CDH23: variants seen among roughly 807,000 people sequenced by gnomAD.
CDH23 encodes the protein cadherin related 23.
A neutral mutation model predicts 317.1 loss-of-function variants in CDH23; 189 were observed. The observed-to-expected ratio is 0.60, with a 90% CI of 0.53 to 0.67. The LOEUF is 0.67. Ranked by LOEUF, CDH23 falls within the 30% of genes least tolerant of loss-of-function variation. The pLI, the probability that CDH23 is intolerant of heterozygous loss-of-function variation, is 0.00. For missense variants in CDH23, 4,401 were observed against 4,592.4 expected, an observed-to-expected ratio of 0.96 and a Z score of 1.20; for synonymous variants, 1,839 against 1,876.8, an observed-to-expected ratio of 0.98 and a Z score of 0.52.
intron 61 of CDH23, 111 bp from the exon 62 acceptor site, chr10:71,810,361 G>A: frequency 2.0e-6 from 2 of 1,008,152 alleles, no homozygotes; most frequent in Non-Finnish European, 1.5e-6. Flanking sequence ...ACATTCAGTA[G>A]TGAAGGGTCT....
At chr10:71,543,630 TCTC>T (rs1164066236) in intron 6 of CDH23, among the ~76,000 whole-genome samples, 3 of 152,226 alleles carry the variant, frequency 2.0e-5, no homozygotes, top group African/African-American at 7.2e-5. Context: ...TCCTCATGCT[TCTC>T]CTAGCCACTC....
chr10:71,477,038 C>T (rs1285769011), intron 3 of CDH23, among the ~76,000 whole-genome samples: 3 of 152,220 alleles, frequency 2.0e-5, no homozygotes, highest in Non-Finnish European at 2.9e-5. Context: ...TCTTCTCCAT[C>T]TTCCTCCTTG....
intron 11 of CDH23, among the ~76,000 whole-genome samples, chr10:71,641,613 G>A (rs1047346223): frequency 1.3e-5 from 2 of 152,222 alleles, no homozygotes; most frequent in African/African-American, 4.8e-5. Flanking sequence ...CAAAGTTACA[G>A]GCCTCAACCC....
chr10:71,623,892 G>T (rs1417028510), intron 11 of CDH23, among the ~76,000 whole-genome samples: 1 of 152,116 alleles, frequency 6.6e-6, no homozygotes, highest in African/African-American at 2.4e-5. Flanking sequence ...TACCCCAACT[G>T]CCCTGAGAAG....
chr10:71,647,038 A>G lies in CDH23; in HGVS notation c.1449+421A>G, dbSNP rs941543360. 2.1e-5 allele frequency: 21 copies of G among 985,330 alleles called. No individual in the cohort carries two copies. The African/African-American group carries it at 3.5e-4, about 16-fold the overall frequency. 61.0% of individuals were successfully genotyped at this position (985,330 alleles called of 1,614,324 possible). A position where few individuals can be genotyped will look rare whatever the true frequency, so the allele number is the denominator to read the frequency against. On this transcript the variant is annotated intron_variant, in intron 14 of 69. Transcript: ENST00000224721. ...GGTACCGGGGCACCCCCAGCTGCCC[A>G]TGGCTGGACTTGCCCTTTGACAAGG...
intron 3 of CDH23, among the ~76,000 whole-genome samples, chr10:71,456,783 AG>A (rs1410086331): frequency 6.6e-6 from 1 of 152,262 alleles, no homozygotes; most frequent in African/African-American, 2.4e-5. Flanking sequence ...ACAGCAAAAA[AG>A]TGAGTCTTAT....
chr10:71,752,456 C>T (rs1184264950), intron 38 of CDH23, among the ~76,000 whole-genome samples: 1 of 152,206 alleles, frequency 6.6e-6, no homozygotes, highest in Non-Finnish European at 1.5e-5. Flanking sequence ...AACACACCCT[C>T]CAGGCCAGGC....
chr10:71,659,658 T>G (rs1379722654), intron 14 of CDH23, among the ~76,000 whole-genome samples: 1 of 152,232 alleles, frequency 6.6e-6, no homozygotes, highest in Non-Finnish European at 1.5e-5. Flanking sequence ...CATGTAATAA[T>G]ACACTCTAGT....
Position 71,734,673 on chromosome 10 carries a change from G to C in CDH23, c.4209+15G>C, listed in dbSNP as rs1564765561. 1 of 1,417,172 alleles carries C rather than the reference G, an allele frequency of 7.1e-7. No individual in the cohort carries two copies. Among genetic ancestry groups the C allele is most frequent in the Non-Finnish European group, 9.5e-7 (1 of 1,048,410 alleles). 87.8% of individuals were successfully genotyped at this position (1,417,172 alleles called of 1,614,324 possible). ...GCCTACAGAAGGTGAGTAGCCTGTGGCTGGAGCTTCCCCTGTGCTGTTGGC... is the reference window on the plus strand; with the variant it reads ...GCCTACAGAAGGTGAGTAGCCTGTGCCTGGAGCTTCCCCTGTGCTGTTGGC... On this transcript the variant is annotated intron_variant, in intron 34 of 69. Coordinates refer to ENST00000224721, the MANE Select transcript of CDH23 (RefSeq NM_022124.6).
At chr10:71,696,574 T>C (rs773437225) in intron 22 of CDH23, among the ~76,000 whole-genome samples, 11 of 152,196 alleles carry the variant, frequency 7.2e-5, no homozygotes, top group Non-Finnish European at 1.2e-4. Flanking sequence ...TCCTTATTCC[T>C]CTGGGAGGGG....
chr10:71,796,822 C>T (rs185029042), intron 48 of CDH23: 22 of 328,010 alleles, frequency 6.7e-5, no homozygotes, highest in Admixed American at 3.8e-4. Context: ...GGTTGACAGT[C>T]GGTAGTGTAA....
At chr10:71,806,144 C>T (rs769263344) in intron 56 of CDH23, 24 bp from the exon 57 acceptor site, 2 of 1,547,254 alleles carry the variant, frequency 1.3e-6, no homozygotes, top group Admixed American at 3.9e-5. Context: ...GTCTTTTCCT[C>T]TGACTGTGCT....
At chr10:71,583,726 C>T (rs1023504163) in intron 9 of CDH23, among the ~76,000 whole-genome samples, 2 of 152,188 alleles carry the variant, frequency 1.3e-5, no homozygotes, top group Non-Finnish European at 1.5e-5. Flanking sequence ...GGAGGAGAAC[C>T]CTGTTTATTG....
At chr10:71,668,455 G>A (rs190972541) in intron 14 of CDH23, among the ~76,000 whole-genome samples, 183 of 152,318 alleles carry the variant, frequency 1.2e-3, no homozygotes, top group Non-Finnish European at 2.0e-3. Context: ...CAAGGGAGGG[G>A]AGGTCTTAAG....
chr10:71,483,887 C>T (rs7085904), intron 3 of CDH23, among the ~76,000 whole-genome samples: 1 of 151,928 alleles, frequency 6.6e-6, no homozygotes, highest in African/African-American at 2.4e-5. Flanking sequence ...GTTCACTCTC[C>T]CCCCACACAC....
chr10:71,636,151 C>T (rs774841622), intron 11 of CDH23, among the ~76,000 whole-genome samples: 3 of 150,884 alleles, frequency 2.0e-5, no homozygotes, highest in African/African-American at 4.9e-5. Flanking sequence ...CAAGAGGAGG[C>T]GAGGAGAGAG....
chr10:71,445,098 G>A (rs1589317451), intron 2 of CDH23, among the ~76,000 whole-genome samples: 1 of 152,224 alleles, frequency 6.6e-6, no homozygotes, highest in Non-Finnish European at 1.5e-5. Flanking sequence ...CCGCTCTGAA[G>A]CCATCACAGA....
At chr10:71,760,849 C>T in intron 38 of CDH23, 1 of 1,609,328 alleles carries the variant, frequency 6.2e-7, no homozygotes. Flanking sequence ...CCAAAAGGGG[C>T]AAGAGGTTGG....
At chr10:71,415,050 A>G (rs541814206) in intron 1 of CDH23, among the ~76,000 whole-genome samples, 2 of 152,224 alleles carry the variant, frequency 1.3e-5, no homozygotes, top group African/African-American at 4.8e-5. Flanking sequence ...ATCTACAGTG[A>G]TATCTTTTCA....
Sources: allele counts gnomAD v4.1 joint callset (sites outside exome capture counted in the v4.1 genomes callset), GRCh38; gene constraint gnomAD v4.1.1; transcripts MANE v1.5; gene names NCBI Gene and HGNC (gene_info 2026-07-23, HGNC 2026-07-21).